The following EYS variants were observed in gnomAD, a reference collection of about 807,000 sequenced individuals.
EYS encodes EGF-like photoreceptor maintenance factor.
In EYS, 250 loss-of-function variants were observed where a neutral mutation model predicts 282.1. The observed-to-expected ratio is 0.89, with a 90% CI of 0.80 to 0.98. EYS has a LOEUF of 0.98. Ranked by LOEUF, EYS falls within the 50% of genes least tolerant of loss-of-function variation. The probability of loss-of-function intolerance (pLI) is 0.00; values close to 1 mark genes in which losing one functional copy is unlikely to be tolerated. For synonymous variants in EYS, 1,355 were observed against 1,282.9 expected (o/e 1.06, Z -1.20); for missense variants, 4,016 against 3,709.0 (o/e 1.08, Z -2.15).
At chr6:63,962,103 T>C (rs1407945212) in intron 35 of EYS, among the ~76,000 whole-genome samples, 2 of 152,080 alleles carry the variant, frequency 1.3e-5, no homozygotes, top group African/African-American at 4.8e-5. Flanking sequence ...TATACAAAAA[T>C]TAACTCAAGA....
At chr6:64,861,931 C>A (rs9354171) in intron 19 of EYS, among the ~76,000 whole-genome samples, 23,631 of 152,126 alleles carry the variant, frequency 0.16, 2,157 homozygotes, top group East Asian at 0.49. Context: ...CAATTTCTGA[C>A]CAATATCATT....
At chr6:63,812,034 A>G (rs1462977554) in intron 36 of EYS, among the ~76,000 whole-genome samples, 1 of 152,164 alleles carries the variant, frequency 6.6e-6, no homozygotes, top group African/African-American at 2.4e-5. Flanking sequence ...TTATCACTTT[A>G]CAATCTCTTT....
rs148449199 is a variant in EYS, at chr6:64,030,080, A to G, written c.6726-30897T>C. On this transcript the variant is annotated intron_variant, in intron 33 of 42. Transcript: ENST00000503581. ...TGGCAGAGGTAGGGAAAGACCAGCA[A>G]GAAGGAAAGAGGGAAAGACAAAGAG... 4.6e-5 allele frequency among the ~76,000 whole-genome samples: 7 copies of G among 152,258 alleles called. No individual in the cohort carries two copies. The East Asian group carries it at 1.4e-3, about 29-fold the overall frequency.
chr6:63,845,705 G>C (rs899777574), intron 36 of EYS, among the ~76,000 whole-genome samples: 5 of 152,076 alleles, frequency 3.3e-5, no homozygotes, highest in African/African-American at 1.2e-4. Context: ...GTTATAATTA[G>C]ACTTCACTTA....
intron 14 of EYS, among the ~76,000 whole-genome samples, chr6:64,947,843 G>A (rs939210690): frequency 9.9e-5 from 15 of 151,644 alleles, no homozygotes; most frequent in South Asian, 4.2e-4. Flanking sequence ...TAAAATCTTC[G>A]GGACATGCCC....
chr6:64,588,544 C>T (rs62415824), intron 26 of EYS, among the ~76,000 whole-genome samples: 14,957 of 152,078 alleles, frequency 0.098, 915 homozygotes, highest in East Asian at 0.17. Flanking sequence ...CTTCCAAAGG[C>T]CACACCTTCT....
intron 35 of EYS, among the ~76,000 whole-genome samples, chr6:63,907,809 A>G (rs1188757381): frequency 1.3e-5 from 2 of 151,836 alleles, no homozygotes; most frequent in Non-Finnish European, 2.9e-5. Flanking sequence ...CTATCATTCC[A>G]CACTCTGTGT....
At chr6:65,248,434 G>A (rs1368579219) in intron 12 of EYS, among the ~76,000 whole-genome samples, 2 of 152,082 alleles carry the variant, frequency 1.3e-5, no homozygotes, top group Non-Finnish European at 2.9e-5. Context: ...ACAGTTCAAT[G>A]CAGAAGAAAT....
At chr6:64,358,526 C>T (rs143461878) in intron 29 of EYS, among the ~76,000 whole-genome samples, 1 of 151,560 alleles carries the variant, frequency 6.6e-6, no homozygotes, top group South Asian at 2.1e-4. Context: ...ACTAGCCACC[C>T]TCAGATCTCA....
chr6:64,293,236 C>T lies in EYS; in HGVS notation c.6191+13734G>A, dbSNP rs530394839. The stretch of plus-strand genomic sequence containing the variant: ...GAGTAGCCAAATACATGTATGTGTA[C>T]AAACATTTAAAATGAATGTTTGCTT... On this transcript the variant is annotated intron_variant, in intron 30 of 42. Coordinates refer to ENST00000503581, the MANE Select transcript of EYS (RefSeq NM_001142800.2). Among the ~76,000 whole-genome samples, 8 of 152,090 alleles carry T rather than the reference C, an allele frequency of 5.3e-5. No homozygotes were observed. The South Asian group carries it at 1.7e-3, about 32-fold the overall frequency.
rs984423020 is a variant in EYS at position 65,678,357 on chromosome 6, G to A, written c.-448+28778C>T. Reference sequence around the variant, plus strand: ...AATTATATCAGTATCTTCAATAAAAGGTGTTGGGAAAAATTGAATTTTTTT... The same window carrying A: ...AATTATATCAGTATCTTCAATAAAAAGTGTTGGGAAAAATTGAATTTTTTT... On this transcript the variant is annotated intron_variant, in intron 1 of 42. Coordinates refer to ENST00000503581, the MANE Select transcript of EYS (RefSeq NM_001142800.2). 3.0e-4 allele frequency among the ~76,000 whole-genome samples: 45 copies of A among 151,928 alleles called. 1 individual carries two copies. Among genetic ancestry groups the A allele is most frequent in the African/African-American group, 1.0e-3 (43 of 41,384 alleles).
chr6:64,527,696 A>T (rs1241338243), intron 26 of EYS, among the ~76,000 whole-genome samples: 1 of 151,754 alleles, frequency 6.6e-6, no homozygotes, highest in African/African-American at 2.4e-5. Context: ...AAAATAACAT[A>T]TAGTAAGCAC....
At chr6:64,162,111 C>T (rs1442383931) in intron 31 of EYS, among the ~76,000 whole-genome samples, 1 of 152,194 alleles carries the variant, frequency 6.6e-6, no homozygotes, top group Non-Finnish European at 1.5e-5. Context: ...GTGTGCTTTT[C>T]TCAGCATAAG....
chr6:64,049,463 T>C (rs530816551), intron 33 of EYS, among the ~76,000 whole-genome samples: 2 of 152,294 alleles, frequency 1.3e-5, no homozygotes, highest in East Asian at 3.9e-4. Flanking sequence ...CTATACTCCA[T>C]AGCACCCAGC....
At chr6:64,137,843 G>A (rs575340697) in intron 31 of EYS, among the ~76,000 whole-genome samples, 30 of 152,170 alleles carry the variant, frequency 2.0e-4, no homozygotes, top group Admixed American at 1.1e-3. Context: ...GCACAGAAAT[G>A]CACACTGTTG....
rs1554142320 is a variant in EYS, at chr6:65,015,870, T to TAC, written c.2138-18168_2138-18167insGT. On this transcript the variant is annotated intron_variant, in intron 13 of 42. Transcript: ENST00000503581. ...CAACATGGTGAAACCTCGTCTCTACTAAAAAAAAAAAAAAAAAAAAAAAAA... is the reference window on the plus strand; with the variant it reads ...CAACATGGTGAAACCTCGTCTCTACTACAAAAAAAAAAAAAAAAAAAAAAAAA... Among the ~76,000 whole-genome samples the TAC allele has an allele frequency of 5.8e-5, 3 of 52,030 alleles. 1 individual carries two copies. Among genetic ancestry groups the TAC allele is most frequent in the African/African-American group, 2.5e-4 (3 of 11,940 alleles). The allele number at this position is 52,030 out of a possible 152,430, so 34.1% of individuals were successfully genotyped here.
At chr6:64,920,487 T>C (rs778181204) in intron 15 of EYS, among the ~76,000 whole-genome samples, 23 of 152,164 alleles carry the variant, frequency 1.5e-4, no homozygotes, top group Non-Finnish European at 3.2e-4. Context: ...AAGTAAGTAT[T>C]ACTTCTGGCT....
chr6:65,402,246 G>A (rs1228425327), intron 7 of EYS, among the ~76,000 whole-genome samples: 3 of 151,098 alleles, frequency 2.0e-5, no homozygotes, highest in South Asian at 2.1e-4. Flanking sequence ...TTTAATAACC[G>A]TATACCTAAA....
intron 12 of EYS, among the ~76,000 whole-genome samples, chr6:65,096,690 CTCA>C: frequency 6.6e-6 from 1 of 151,080 alleles, no homozygotes; most frequent in East Asian, 1.9e-4. Flanking sequence ...TGGAAATAAA[CTCA>C]TGCATATTTG....
Sources: allele counts gnomAD v4.1 joint callset (sites outside exome capture counted in the v4.1 genomes callset), GRCh38; gene constraint gnomAD v4.1.1; transcripts MANE v1.5; gene names NCBI Gene and HGNC (gene_info 2026-07-23, HGNC 2026-07-21).